GAD2: variants seen among roughly 807,000 people sequenced by gnomAD.
GAD2 encodes glutamate decarboxylase 2.
GAD2 carries 22 observed loss-of-function variants against 80.1 expected under a neutral mutation model. The ratio of observed to expected loss-of-function variants is 0.27; its 90% CI spans 0.20 to 0.39. GAD2 has a LOEUF of 0.39. Among genes scored for constraint, GAD2 ranks in the 10% least tolerant of loss-of-function variants. The probability of loss-of-function intolerance (pLI) is 1.00; values close to 1 mark genes in which losing one functional copy is unlikely to be tolerated. For missense variants in GAD2, 624 were observed against 738.4 expected, an observed-to-expected ratio of 0.85 and a Z score of 1.80; for synonymous variants, 274 against 256.9, an observed-to-expected ratio of 1.07 and a Z score of -0.64.
At chr10:26,219,848 T>A (rs983497986) in intron 4 of GAD2, among the ~76,000 whole-genome samples, 3 of 152,094 alleles carry the variant, frequency 2.0e-5, no homozygotes, top group African/African-American at 7.2e-5. Context: ...GCAGGCATGA[T>A]ACAGACTAGC....
At chr10:26,266,238 G>C (rs1164223926) in intron 8 of GAD2, among the ~76,000 whole-genome samples, 1 of 152,212 alleles carries the variant, frequency 6.6e-6, no homozygotes, top group African/African-American at 2.4e-5. Flanking sequence ...CACATAGCAA[G>C]TGCTCAATAA....
intron 7 of GAD2, among the ~76,000 whole-genome samples, chr10:26,235,375 A>G (rs1844659081): frequency 6.6e-6 from 1 of 152,154 alleles, no homozygotes; most frequent in African/African-American, 2.4e-5. Context: ...TTTGTTTTCT[A>G]AATGACCCTT....
intron 8 of GAD2, among the ~76,000 whole-genome samples, chr10:26,253,394 A>C (rs1333302512): frequency 2.0e-5 from 3 of 152,238 alleles, no homozygotes; most frequent in Admixed American, 2.0e-4. Flanking sequence ...GAATTAGTGG[A>C]ATCTAGATTC....
intron 15 of GAD2, among the ~76,000 whole-genome samples, chr10:26,293,456 G>T (rs574666139): frequency 7.2e-5 from 11 of 152,120 alleles, no homozygotes; most frequent in Admixed American, 6.6e-5. Flanking sequence ...GAGATTACAG[G>T]CATGAGCCAC....
At chr10:26,224,173 A>G (rs1844490762) in intron 5 of GAD2, among the ~76,000 whole-genome samples, 196 bp downstream of exon 5, 1 of 151,428 alleles carries the variant, frequency 6.6e-6, no homozygotes, top group Non-Finnish European at 1.5e-5. Context: ...AAACTCTACA[A>G]AATTTTTAAA....
intron 8 of GAD2, among the ~76,000 whole-genome samples, chr10:26,267,674 G>A (rs373739883): frequency 3.3e-5 from 5 of 151,678 alleles, no homozygotes; most frequent in East Asian, 1.9e-4. Context: ...GTCTTTCTTT[G>A]GGAAACAGCT....
chr10:26,249,470 T>G (rs189271819), intron 8 of GAD2, among the ~76,000 whole-genome samples: 95 of 152,326 alleles, frequency 6.2e-4, no homozygotes, highest in African/African-American at 2.2e-3. Context: ...AATCTGTAGT[T>G]GATCTGTTAT....
At chr10:26,298,891 A>G (rs1326031976) in intron 15 of GAD2, among the ~76,000 whole-genome samples, 2 of 152,210 alleles carry the variant, frequency 1.3e-5, no homozygotes, top group African/African-American at 4.8e-5. Flanking sequence ...TCAGAAGTTA[A>G]TCTCAGATTT....
At chr10:26,267,091 A>G (rs945747495) in intron 8 of GAD2, among the ~76,000 whole-genome samples, 2 of 152,226 alleles carry the variant, frequency 1.3e-5, no homozygotes, top group African/African-American at 4.8e-5. Flanking sequence ...TACTTAAAAA[A>G]AGTTAAGTAT....
At chr10:26,230,819 G>A (rs1489066731) in intron 7 of GAD2, among the ~76,000 whole-genome samples, 1 of 152,024 alleles carries the variant, frequency 6.6e-6, no homozygotes, top group Non-Finnish European at 1.5e-5. Flanking sequence ...CAGGCACGGT[G>A]GCTCATGCCT....
intron 8 of GAD2, among the ~76,000 whole-genome samples, chr10:26,258,599 C>T (rs2132297021): frequency 6.6e-6 from 1 of 152,286 alleles, no homozygotes; most frequent in Non-Finnish European, 1.5e-5. Flanking sequence ...AATTTTACTA[C>T]TATGGGTACC....
At position 26,257,024 on chromosome 10, in the gene GAD2, TG is replaced by T. The variant is rs545474062; in HGVS notation, c.920+11025del. Among the ~76,000 whole-genome samples the T allele has an allele frequency of 5.6e-4, 85 of 152,308 alleles. 1 individual carries two copies. Among genetic ancestry groups the T allele is most frequent in the African/African-American group, 2.0e-3 (82 of 41,572 alleles). On this transcript the variant is annotated intron_variant, in intron 8 of 15. Transcript: ENST00000376261. ...CTGTAGGGAAGAGATTTTGTCTTTT[TG>T]TTCTCTCTCTTGCTGTCTCTCATTT...
chr10:26,259,250 CT>C (rs1844980081), intron 8 of GAD2, among the ~76,000 whole-genome samples: 1 of 152,174 alleles, frequency 6.6e-6, no homozygotes, highest in Non-Finnish European at 1.5e-5. Flanking sequence ...CATGGTAATT[CT>C]ATCTTTAATT....
intron 12 of GAD2, among the ~76,000 whole-genome samples, chr10:26,283,961 A>G (rs756675798): frequency 3.9e-5 from 6 of 152,272 alleles, no homozygotes; most frequent in Non-Finnish European, 4.4e-5. Flanking sequence ...CTTGGGTTCA[A>G]TAAAAGGAAT....
At chr10:26,264,336 A>G (rs146336967) in intron 8 of GAD2, among the ~76,000 whole-genome samples, 2,352 of 142,862 alleles carry the variant, frequency 0.016, 50 homozygotes, top group African/African-American at 0.058. Context: ...TTTTTGAGAC[A>G]GAGTCTCGCT....
intron 5 of GAD2, 115 bp from the exon 6 acceptor site, chr10:26,224,418 TATAATC>T (rs1379399552): frequency 1.1e-4 from 83 of 724,240 alleles, no homozygotes; most frequent in South Asian, 9.0e-4. Context: ...TGCTTAATGT[TATAATC>T]ATAACACTTG....
chr10:26,303,178 G>A lies in GAD2; in HGVS notation c.*2217G>A, dbSNP rs1834345038. 6.6e-6 allele frequency: 1 copy of A among 151,982 alleles called. No homozygotes were observed. Among genetic ancestry groups the A allele is most frequent in the Non-Finnish European group, 1.5e-5 (1 of 67,988 alleles). The allele number at this position is 151,982 out of a possible 1,614,324, so 9.4% of individuals were successfully genotyped here. ...CTGCTGCTTTTTAGGTTAATGAGAT[G>A]GTAAAATTTTAAAGGACAATTTGTG... On this transcript the variant is annotated 3_prime_UTR_variant, in exon 16 of 16. Coordinates refer to ENST00000376261, the MANE Select transcript of GAD2 (RefSeq NM_001134366.2).
intron 8 of GAD2, among the ~76,000 whole-genome samples, chr10:26,265,187 T>G (rs1369739218): frequency 6.6e-6 from 1 of 150,554 alleles, no homozygotes; most frequent in Non-Finnish European, 1.5e-5. Context: ...AGTTATCTGA[T>G]CCTATAGCAT....
At chr10:26,273,552 C>T in intron 10 of GAD2, 84 bp from the exon 11 acceptor site, 2 of 1,181,108 alleles carry the variant, frequency 1.7e-6, no homozygotes, top group Non-Finnish European at 2.5e-6. Context: ...GGGTCAAGAT[C>T]ATTTTCACCT....
Sources: gnomAD v4.1 joint callset for allele counts (sites outside exome capture counted in the v4.1 genomes callset) on GRCh38, gnomAD v4.1.1 for gene constraint, MANE v1.5 for transcripts, NCBI Gene and HGNC (gene_info 2026-07-23, HGNC 2026-07-21) for gene names.